Variants in SLC29A2 observed in about 807,000 individuals in gnomAD.
The protein encoded by SLC29A2 is equilibrative nucleoside transporter 2.
A neutral mutation model predicts 48.8 loss-of-function variants in SLC29A2; 37 were observed. The ratio of observed to expected loss-of-function variants is 0.76; its 90% CI spans 0.58 to 1.00. The LOEUF (loss-of-function observed/expected upper bound fraction) is 1.00. Ranked by LOEUF, SLC29A2 falls within the 50% of genes least tolerant of loss-of-function variation. The pLI, the probability that SLC29A2 is intolerant of heterozygous loss-of-function variation, is 0.00. For missense variants in SLC29A2, 533 were observed against 578.6 expected, an observed-to-expected ratio of 0.92 and a Z score of 0.81; for synonymous variants, 233 against 261.7, an observed-to-expected ratio of 0.89 and a Z score of 1.06.
chr11:66,371,485 T>C (rs1856037689), intron 1 of SLC29A2, 78 bp downstream of exon 1: 4 of 1,523,106 alleles, frequency 2.6e-6, no homozygotes, highest in South Asian at 1.2e-5. Flanking sequence ...GATCCGGTCT[T>C]CTCTGAGCCT....
rs570007294 is a variant in SLC29A2 at position 66,371,408 on chromosome 11, G to A, written c.30-83C>T. On this transcript the variant is annotated intron_variant, in intron 1 of 11. Coordinates refer to ENST00000357440, the MANE Select transcript of SLC29A2 (RefSeq NM_001532.3). Reference sequence around the variant, plus strand: ...CGCCTCCCAGGCCACCCCCTCCGGAGCGGACTACAACCCCGATCACCCCGG... The same window carrying A: ...CGCCTCCCAGGCCACCCCCTCCGGAACGGACTACAACCCCGATCACCCCGG... 3.2e-6 allele frequency: 5 copies of A among 1,546,692 alleles called. No homozygotes were observed. The East Asian group carries it at 1.1e-4, about 35-fold the overall frequency.
chr11:66,364,150 T>G, intron 11 of SLC29A2, 75 bp downstream of exon 11: 1 of 1,246,490 alleles, frequency 8.0e-7, no homozygotes, highest in Non-Finnish European at 1.1e-6. Context: ...GTCCCTCCAT[T>G]GCAGGCGGTC....
In SLC29A2 at chr11:66,367,525, G is replaced by C; in HGVS notation, c.672C>G (p.Ala224=). Residue 224 remains alanine (A), a synonymous_variant, in exon 7 of 12, where the codon GCC becomes GCG. Transcript: ENST00000357440. ...PHLKFARYYL[A]NKSSQAQAQE... ...GAGCTTGGGCCTGGGATGATTTATT[G>C]GCCAGGTAGTAGCGGGCAAACTTCT... 6.2e-7 allele frequency: 1 copy of C among 1,614,094 alleles called. No homozygotes were observed. The highest frequency in any genetic ancestry group is 8.5e-7 in the Non-Finnish European group (1 of 1,179,996).
At chr11:66,366,391 T>TC in intron 8 of SLC29A2, 40 bp downstream of exon 8, 2 of 1,613,946 alleles carry the variant, frequency 1.2e-6, no homozygotes, top group Non-Finnish European at 1.7e-6. Context: ...GCCCCATTCT[T>TC]CCCCAAAGAT....
At chr11:66,365,135 G>C (rs996682717) in intron 10 of SLC29A2, among the ~76,000 whole-genome samples, 18 of 151,848 alleles carry the variant, frequency 1.2e-4, no homozygotes, top group African/African-American at 4.4e-4. Context: ...TCGAACTCCT[G>C]ACCTCGTGAT....
upstream of SLC29A2, chr11:66,371,829 C>T: frequency 3.6e-6 from 2 of 557,244 alleles, no homozygotes; most frequent in South Asian, 4.4e-5. Context: ...CCCGTCTCTC[C>T]TTCCCCCACC....
intron 5 of SLC29A2, among the ~76,000 whole-genome samples, chr11:66,368,187 G>A (rs753497236): frequency 1.3e-4 from 20 of 152,176 alleles, no homozygotes; most frequent in Non-Finnish European, 2.9e-4. Flanking sequence ...GAGGTGACAA[G>A]CCTTGTCCAA....
Position 66,363,681 on chromosome 11 carries a change from G to A in SLC29A2, c.1260-134C>T. 9 of 713,812 alleles carry A rather than the reference G, an allele frequency of 1.3e-5. No homozygotes were observed. In the South Asian group the frequency reaches 1.4e-4, roughly 11 times the overall value. The allele number at this position is 713,812 out of a possible 1,614,324, so 44.2% of individuals were successfully genotyped here. A position where few individuals can be genotyped will look rare whatever the true frequency, so the allele number is the denominator to read the frequency against. On this transcript the variant is annotated intron_variant, in intron 11 of 11. Transcript: ENST00000357440. The stretch of plus-strand genomic sequence containing the variant: ...ACCATAACTGGCCCCTTCTTTCCGG[G>A]CCTCAGTTTCCTGGTCTGTAAATGA...
intron 4 of SLC29A2, 151 bp from the exon 5 acceptor site, chr11:66,368,822 C>T (rs1388930410): frequency 2.6e-6 from 3 of 1,171,466 alleles, no homozygotes; most frequent in Non-Finnish European, 3.7e-6. Flanking sequence ...GGGCAACACC[C>T]GCTATTCAGT....
rs1855519554 is a variant in SLC29A2 at position 66,364,012 on chromosome 11, G to GGCTA, written c.1259+209_1259+212dup. Reference sequence around the variant, plus strand: ...GAGGCGGCCCCAGAACCAGTGCCTGGGCTACTTGGTTGGGCGGGTACCTCC... The same window carrying GGCTA: ...GAGGCGGCCCCAGAACCAGTGCCTGGGCTAGCTACTTGGTTGGGCGGGTACCTCC... On this transcript the variant is annotated intron_variant, in intron 11 of 11. Transcript: ENST00000357440. Among the ~76,000 whole-genome samples, 5 of 152,130 alleles carry GGCTA rather than the reference G, an allele frequency of 3.3e-5. No individual in the cohort carries two copies. The South Asian group carries it at 1.0e-3, about 32-fold the overall frequency.
intron 2 of SLC29A2, among the ~76,000 whole-genome samples, chr11:66,370,186 C>T (rs1855950096): frequency 6.6e-6 from 1 of 152,248 alleles, no homozygotes; most frequent in Non-Finnish European, 1.5e-5. Flanking sequence ...TGACCACACC[C>T]CTCCACATGC....
chr11:66,368,776 C>A (rs1439588466), intron 4 of SLC29A2, 105 bp from the exon 5 acceptor site: 19 of 1,450,734 alleles, frequency 1.3e-5, no homozygotes, highest in Non-Finnish European at 1.6e-5. Flanking sequence ...CAAGGTTGCG[C>A]AGGTGTGAGC....
At chr11:66,363,836 C>A in intron 11 of SLC29A2, 1 of 529,806 alleles carries the variant, frequency 1.9e-6, no homozygotes, top group Non-Finnish European at 3.4e-6. Context: ...CTGGATTCTC[C>A]ACTCCATTGC....
chr11:66,364,316 A>G lies in SLC29A2; in HGVS notation c.1168T>C (p.Phe390Leu). Residue 390 changes from phenylalanine to leucine, a missense_variant, in exon 11 of 12, where the codon TTC (phenylalanine) becomes CTC (leucine). Transcript: ENST00000357440. ...VPQRSRLPIL[F>L]PQDAYFITFM... ...GTGATGAAGTAGGCATCCTGTGGGA[A>G]GAGGATGGGCAGCCGGGACCTCTGG... The G allele has an allele frequency of 6.2e-7, 1 of 1,614,010 alleles. No homozygotes were observed.
At position 66,367,756 on chromosome 11, in the gene SLC29A2, C is replaced by T. The variant is rs754365150; in HGVS notation, c.648+16G>A. The T allele has an allele frequency of 3.7e-6, 6 of 1,611,868 alleles. No homozygotes were observed. The South Asian group carries it at 6.6e-5, about 18-fold the overall frequency. On this transcript the variant is annotated intron_variant, in intron 6 of 11. Transcript: ENST00000357440. ...GATGCTTTGAGGTGGGGCCTCGAGC[C>T]CAACAGCAGGCTCACCAGGTGAGGC...
At chr11:66,366,379 G>A (rs1019227126) in intron 8 of SLC29A2, 52 bp downstream of exon 8, 25 of 1,613,626 alleles carry the variant, frequency 1.5e-5, no homozygotes, top group Middle Eastern at 3.3e-4. Flanking sequence ...GAGTCAATGT[G>A]AGCCCCATTC....
intron 7 of SLC29A2, among the ~76,000 whole-genome samples, chr11:66,367,071 G>A (rs77235491): frequency 1.8e-4 from 28 of 152,282 alleles, no homozygotes; most frequent in Admixed American, 3.3e-4. Flanking sequence ...TGCATGGGTC[G>A]GGTGATGAGC....
rs1251147978 is a variant in SLC29A2 at position 66,366,039 on chromosome 11, G to A, written c.974-18C>T. Reference sequence around the variant, plus strand: ...GAACTGACCTGGGAGGGAAACGGCTGCAGCTCATACTGGTCTCCAACTCCC... The same window carrying A: ...GAACTGACCTGGGAGGGAAACGGCTACAGCTCATACTGGTCTCCAACTCCC... On this transcript the variant is annotated intron_variant, in intron 9 of 11. Transcript: ENST00000357440. 1.2e-6 allele frequency: 2 copies of A among 1,613,142 alleles called. No individual in the cohort carries two copies. Among genetic ancestry groups the A allele is most frequent in the Admixed American group, 1.7e-5 (1 of 60,004 alleles).
chr11:66,366,323 G>T, intron 8 of SLC29A2, 92 bp from the exon 9 acceptor site: 1 of 1,601,052 alleles, frequency 6.2e-7, no homozygotes, highest in Non-Finnish European at 8.6e-7. Flanking sequence ...GACACTTGGG[G>T]CCTGGCCCAG....
Sources: allele counts gnomAD v4.1 joint callset (sites outside exome capture counted in the v4.1 genomes callset), GRCh38; gene constraint gnomAD v4.1.1; transcripts MANE v1.5; gene names NCBI Gene and HGNC (gene_info 2026-07-23, HGNC 2026-07-21).